CCSER2: variants seen among roughly 807,000 people sequenced by gnomAD.
The protein encoded by CCSER2 is serine-rich coiled-coil domain-containing protein 2.
A neutral mutation model predicts 92.3 loss-of-function variants in CCSER2; 46 were observed. The observed-to-expected ratio is 0.50, with a 90% CI of 0.39 to 0.64. The LOEUF (loss-of-function observed/expected upper bound fraction) is 0.64. Among genes scored for constraint, CCSER2 ranks in the 30% least tolerant of loss-of-function variants. The pLI is 0.00. For missense variants in CCSER2, 1,244 were observed against 1,238.9 expected (o/e 1.00, Z -0.06); for synonymous variants, 433 against 431.4 (o/e 1.00, Z -0.04).
chr10:84,457,305 T>TAAATATATAATATA (rs1564684935), intron 6 of CCSER2, among the ~76,000 whole-genome samples: 1 of 49,254 alleles, frequency 2.0e-5, no homozygotes, highest in Non-Finnish European at 3.9e-5. Flanking sequence ...ATATATAATA[T>TAAATATATAATATA]GTTATATATA....
At chr10:84,507,338 A>G (rs757035535) in intron 9 of CCSER2, 6 of 984,962 alleles carry the variant, frequency 6.1e-6, no homozygotes, top group Admixed American at 6.2e-5. Flanking sequence ...AGCGTGGTAC[A>G]GTACAATTTC....
intron 7 of CCSER2, among the ~76,000 whole-genome samples, chr10:84,469,811 C>T (rs1846667982): frequency 6.6e-6 from 1 of 152,038 alleles, no homozygotes; most frequent in Admixed American, 6.5e-5. Flanking sequence ...AGGTACTCCT[C>T]AAAAAGTGGC....
At chr10:84,461,470 T>G (rs1222970060) in intron 6 of CCSER2, among the ~76,000 whole-genome samples, 3 of 152,172 alleles carry the variant, frequency 2.0e-5, no homozygotes, top group Admixed American at 2.0e-4. Context: ...CTGAGCAGGC[T>G]CTGTCAATTT....
chr10:84,347,382 A>T (rs995021709), intron 1 of CCSER2, among the ~76,000 whole-genome samples: 39 of 149,396 alleles, frequency 2.6e-4, no homozygotes, highest in African/African-American at 8.1e-4. Flanking sequence ...CACCTCCCGG[A>T]CGGGGCGGCT....
chr10:84,474,849 G>T (rs183278730), intron 8 of CCSER2, among the ~76,000 whole-genome samples: 1 of 152,062 alleles, frequency 6.6e-6, no homozygotes, highest in African/African-American at 2.4e-5. Context: ...TTTAAGTTCC[G>T]AGTAAAAGTC....
Position 84,517,835 on chromosome 10 carries a change from T to C in CCSER2, c.*3568T>C, listed in dbSNP as rs77698259. On this transcript the variant is annotated 3_prime_UTR_variant, in exon 10 of 10. Coordinates refer to ENST00000372088, the MANE Select transcript of CCSER2 (RefSeq NM_001284240.2). ...GTGTTACAGACACTGAGGTGCACTC[T>C]TGGTTTCTGAGCAGAGTTGTCATAC... The C allele has an allele frequency of 2.8e-3, 435 of 152,784 alleles. 12 individuals are homozygous for C. In the East Asian group the frequency reaches 0.066, roughly 23 times the overall value. 9.5% of individuals were successfully genotyped at this position (152,784 alleles called of 1,614,324 possible).
intron 9 of CCSER2, among the ~76,000 whole-genome samples, chr10:84,505,757 A>G (rs1306437255): frequency 6.6e-6 from 1 of 152,182 alleles, no homozygotes; most frequent in Admixed American, 6.5e-5. Context: ...TCATGGTCCA[A>G]TAGGCCTTCC....
Position 84,392,033 on chromosome 10 carries a change from C to T in CCSER2, c.1614+18218C>T. ...TTCCCTTAAAAAGAGCGTCTTGCAGCTGTTTATGGTGTTTAATACACTTAA... is the reference window on the plus strand; with the variant it reads ...TTCCCTTAAAAAGAGCGTCTTGCAGTTGTTTATGGTGTTTAATACACTTAA... On this transcript the variant is annotated intron_variant, in intron 3 of 9. Coordinates refer to ENST00000372088, the MANE Select transcript of CCSER2 (RefSeq NM_001284240.2). 4 of 1,252,366 alleles carry T rather than the reference C, an allele frequency of 3.2e-6. No individual in the cohort carries two copies. The South Asian group carries it at 3.6e-5, about 11-fold the overall frequency. The allele number at this position is 1,252,366 out of a possible 1,614,324, so 77.6% of individuals were successfully genotyped here.
intron 5 of CCSER2, among the ~76,000 whole-genome samples, chr10:84,435,228 CAGAT>C (rs1241290855): frequency 6.6e-6 from 1 of 152,158 alleles, no homozygotes; most frequent in East Asian, 1.9e-4. Context: ...TAGTTACTGT[CAGAT>C]AGGATTTAAA....
At chr10:84,468,074 A>G (rs918822835) in intron 7 of CCSER2, among the ~76,000 whole-genome samples, 4 of 152,206 alleles carry the variant, frequency 2.6e-5, no homozygotes, top group African/African-American at 9.6e-5. Flanking sequence ...TGGCCCTTGC[A>G]TAGTTTACTA....
At chr10:84,457,292 ATTATATAT>A (rs1845735644) in intron 6 of CCSER2, among the ~76,000 whole-genome samples, 1 of 75,802 alleles carries the variant, frequency 1.3e-5, no homozygotes, top group African/African-American at 5.8e-5. Context: ...TATATTATAT[ATTATATAT>A]AATATGTTAT....
chr10:84,421,582 G>C (rs1035840507), intron 4 of CCSER2, among the ~76,000 whole-genome samples: 3 of 152,174 alleles, frequency 2.0e-5, no homozygotes, highest in Non-Finnish European at 4.4e-5. Flanking sequence ...ACCTGGTCCT[G>C]CCCTTTACAC....
chr10:84,455,283 C>CTTTTTTTTTTTTTTTTTTTTTTTTTTTTT (rs71013326), intron 6 of CCSER2: 1 of 99,166 alleles, frequency 1.0e-5, no homozygotes, highest in Non-Finnish European at 2.1e-5. Context: ...TTTTCTTTTT[C>CTTTTTTTTTTTTTTTTTTTTTTTTTTTTT]TTTTTTTTTT....
intron 5 of CCSER2, among the ~76,000 whole-genome samples, chr10:84,426,360 T>C (rs773034307): frequency 5.9e-5 from 9 of 152,182 alleles, no homozygotes; most frequent in Non-Finnish European, 1.3e-4. Context: ...TTTTTCAAAG[T>C]AGAGGATAGT....
Position 84,514,334 on chromosome 10 carries a change from G to C in CCSER2, c.*67G>C, listed in dbSNP as rs1849522808. On this transcript the variant is annotated 3_prime_UTR_variant, in exon 10 of 10. Transcript: ENST00000372088. ...CTCTTCTGTAATAGCTTTATGTGCA[G>C]CTTGCAGCTTGCTACTGTGGTGGAG... The C allele has an allele frequency of 9.2e-7, 1 of 1,086,938 alleles. No individual in the cohort carries two copies. The highest frequency in any genetic ancestry group is 1.3e-6 in the Non-Finnish European group (1 of 770,992). 67.3% of individuals were successfully genotyped at this position (1,086,938 alleles called of 1,614,324 possible). A position where few individuals can be genotyped will look rare whatever the true frequency, so the allele number is the denominator to read the frequency against.
chr10:84,470,535 G>GTAGAGTT (rs1846727236), intron 8 of CCSER2, 77 bp downstream of exon 8: 2 of 1,214,378 alleles, frequency 1.6e-6, no homozygotes, highest in East Asian at 7.7e-5. Context: ...TGAGCCAGAA[G>GTAGAGTT]TAGAGTTTAG....
intron 6 of CCSER2, among the ~76,000 whole-genome samples, chr10:84,443,536 T>A (rs1458674641): frequency 2.6e-5 from 4 of 152,198 alleles, no homozygotes; most frequent in African/African-American, 9.6e-5. Flanking sequence ...ACTTTTACAC[T>A]GTTGGTGGGA....
At chr10:84,451,303 T>C (rs963623448) in intron 6 of CCSER2, among the ~76,000 whole-genome samples, 4 of 150,896 alleles carry the variant, frequency 2.7e-5, no homozygotes, top group African/African-American at 9.8e-5. Context: ...AGGGTCTTGC[T>C]GTGTTGCCTG....
intron 3 of CCSER2, among the ~76,000 whole-genome samples, chr10:84,386,677 G>A (rs565836353): frequency 3.3e-5 from 5 of 152,300 alleles, no homozygotes; most frequent in Admixed American, 6.5e-5. Context: ...GCTGCGGTGC[G>A]CTGAGATTAT....
Sources: gnomAD v4.1 joint callset for allele counts (sites outside exome capture counted in the v4.1 genomes callset) on GRCh38, gnomAD v4.1.1 for gene constraint, MANE v1.5 for transcripts, NCBI Gene and HGNC (gene_info 2026-07-23, HGNC 2026-07-21) for gene names.